The following PFKFB2 variants were observed in gnomAD, a reference collection of about 807,000 sequenced individuals.
PFKFB2 encodes 6-phosphofructo-2-kinase/fructose-2,6-biphosphatase 2.
PFKFB2 carries 53 observed loss-of-function variants against 68.0 expected under a neutral mutation model. That is an observed-to-expected ratio of 0.78 (90% CI 0.63 to 0.98). The LOEUF is 0.98. Among genes scored for constraint, PFKFB2 ranks in the 50% least tolerant of loss-of-function variants. PFKFB2 has a pLI of 0.00. For synonymous variants in PFKFB2, 222 were observed against 227.6 expected, an observed-to-expected ratio of 0.98 and a Z score of 0.22; for missense variants, 451 against 642.0, an observed-to-expected ratio of 0.70 and a Z score of 3.22.
intron 10 of PFKFB2, among the ~76,000 whole-genome samples, chr1:207,069,027 G>A (rs1484947394): frequency 1.5e-4 from 23 of 152,044 alleles, no homozygotes; most frequent in Non-Finnish European, 3.4e-4. Flanking sequence ...TTACAGGCAT[G>A]AGCCACCGTG....
chr1:207,078,068 T>A (rs74148966), downstream of PFKFB2, among the ~76,000 whole-genome samples: 8,279 of 152,224 alleles, frequency 0.054, 713 homozygotes, highest in African/African-American at 0.18. Context: ...TATGCAAGAA[T>A]TAAGAAACAA....
chr1:207,049,585 A>C, upstream of PFKFB2: 1 of 1,614,228 alleles, frequency 6.2e-7, no homozygotes, highest in Non-Finnish European at 8.5e-7. Flanking sequence ...ACTAGTAAAG[A>C]GGCAAGAGTT....
At position 207,063,500 on chromosome 1, in the gene PFKFB2, T is replaced by A. The variant is rs1683179426; in HGVS notation, c.450+79T>A. The A allele has an allele frequency of 3.1e-6, 3 of 952,604 alleles. No individual in the cohort carries two copies. Among genetic ancestry groups the A allele is most frequent in the Non-Finnish European group, 5.1e-6 (3 of 593,600 alleles). 59.0% of individuals were successfully genotyped at this position (952,604 alleles called of 1,614,324 possible). A position where few individuals can be genotyped will look rare whatever the true frequency, so the allele number is the denominator to read the frequency against. ...GGCTACAGGCATGGATCTCTCACTCTAGTGGGTGAGGACAGGATGGGATAT... is the reference window on the plus strand; with the variant it reads ...GGCTACAGGCATGGATCTCTCACTCAAGTGGGTGAGGACAGGATGGGATAT... On this transcript the variant is annotated intron_variant, in intron 6 of 14. Transcript: ENST00000367080. This position sits in a 1 kb window ranked among gnomAD's most constrained non-coding sequence, Gnocchi z 4.1.
At chr1:207,038,645 G>A (rs1682422758) in intron 1 of PFKFB2, among the ~76,000 whole-genome samples, 1 of 151,972 alleles carries the variant, frequency 6.6e-6, no homozygotes, top group South Asian at 2.1e-4. Context: ...ATTTTAATTC[G>A]ATTCTCCCAC....
Position 207,073,555 on chromosome 1 carries a change from C to T in PFKFB2, c.*1184C>T, listed in dbSNP as rs1340619801. On this transcript the variant is annotated 3_prime_UTR_variant, in exon 15 of 15. Coordinates refer to ENST00000367080, the MANE Select transcript of PFKFB2 (RefSeq NM_006212.2). ...TAGTTTTTACATGACCATTTTTTTCCCAAATGTGGAAAAGCTTGATGATGA... is the reference window on the plus strand; with the variant it reads ...TAGTTTTTACATGACCATTTTTTTCTCAAATGTGGAAAAGCTTGATGATGA... 2 of 984,896 alleles carry T rather than the reference C, an allele frequency of 2.0e-6. No homozygotes were observed. The highest frequency in any genetic ancestry group is 3.5e-5 in the African/African-American group (2 of 57,206). 61.0% of individuals were successfully genotyped at this position (984,896 alleles called of 1,614,324 possible).
At chr1:207,044,280 T>C (rs1682541341) in intron 2 of PFKFB2, 3 of 152,598 alleles carry the variant, frequency 2.0e-5, no homozygotes, top group African/African-American at 7.2e-5. Flanking sequence ...TCATTCTGTA[T>C]TTAGGCTGAA....
chr1:207,062,510 G>A, intron 3 of PFKFB2, 110 bp from the exon 4 acceptor site: 1 of 1,512,502 alleles, frequency 6.6e-7, no homozygotes, highest in African/African-American at 1.4e-5. Flanking sequence ...CTACCATGCT[G>A]CCGCTTTTTT....
chr1:207,054,503 G>T (rs1038287073), intron 1 of PFKFB2, among the ~76,000 whole-genome samples, 198 bp from the exon 2 acceptor site: 1 of 152,194 alleles, frequency 6.6e-6, no homozygotes, highest in Non-Finnish European at 1.5e-5. Context: ...TAAATGTAAG[G>T]TTCTAGTGCA....
Position 207,063,269 on chromosome 1 carries a change from C to G in PFKFB2, c.375+60C>G. On this transcript the variant is annotated intron_variant, in intron 5 of 14. Transcript: ENST00000367080. This position sits in a 1 kb window ranked among gnomAD's most constrained non-coding sequence, Gnocchi z 4.1. Reference sequence around the variant, plus strand: ...CCACCCTTGCAGCAGCCTGGCTACCCAGCCCCACCTTGAGTCTGCCCTGGT... The same window carrying G: ...CCACCCTTGCAGCAGCCTGGCTACCGAGCCCCACCTTGAGTCTGCCCTGGT... 6.3e-7 allele frequency: 1 copy of G among 1,581,392 alleles called. No homozygotes were observed. The highest frequency in any genetic ancestry group is 8.7e-7 in the Non-Finnish European group (1 of 1,150,210).
At chr1:207,049,775 G>T (rs1388112912), upstream of PFKFB2, 3 of 1,514,700 alleles carry the variant, frequency 2.0e-6, no homozygotes, top group Non-Finnish European at 2.7e-6. Context: ...AGAAGAAACC[G>T]AGTGTTCTCT....
At chr1:207,048,879 T>C, upstream of PFKFB2, 1 of 762,498 alleles carries the variant, frequency 1.3e-6, no homozygotes, top group Non-Finnish European at 2.1e-6. Context: ...ACAAGGAATT[T>C]CAGTGTCTTA....
At chr1:207,059,735 C>A (rs2102344170) in intron 2 of PFKFB2, among the ~76,000 whole-genome samples, 1 of 152,264 alleles carries the variant, frequency 6.6e-6, no homozygotes, top group South Asian at 2.1e-4. Context: ...TCTTGCCAAA[C>A]ACCCTTAGGA....
chr1:207,074,436 G>A lies in PFKFB2; in HGVS notation c.*2065G>A, dbSNP rs543775102. ...ACTGAATTAAATAATTGTCTCTAGA[G>A]AGCAGCTGGGGATTTTAAGCACCCT... On this transcript the variant is annotated 3_prime_UTR_variant, in exon 15 of 15. Coordinates refer to ENST00000367080, the MANE Select transcript of PFKFB2 (RefSeq NM_006212.2). 9 of 985,420 alleles carry A rather than the reference G, an allele frequency of 9.1e-6. No homozygotes were observed. In the African/African-American group the frequency reaches 1.6e-4, roughly 17 times the overall value. 61.0% of individuals were successfully genotyped at this position (985,420 alleles called of 1,614,324 possible). A position where few individuals can be genotyped will look rare whatever the true frequency, so the allele number is the denominator to read the frequency against.
At chr1:207,048,994 G>T, upstream of PFKFB2, 1 of 1,593,814 alleles carries the variant, frequency 6.3e-7, no homozygotes, top group Non-Finnish European at 8.6e-7. Context: ...TGAGGTAGTA[G>T]GCTTCAACCC....
At chr1:207,069,384 A>G (rs1266479020) in intron 10 of PFKFB2, 40 bp from the exon 11 acceptor site, 2 of 1,341,848 alleles carry the variant, frequency 1.5e-6, no homozygotes, top group African/African-American at 1.4e-5. Flanking sequence ...GGTGTGGTAC[A>G]GTCTATCTCT....
Position 207,072,424 on chromosome 1 carries a change from C to G in PFKFB2, c.*53C>G, listed in dbSNP as rs1683493703. The G allele has an allele frequency of 2.5e-6, 4 of 1,579,558 alleles. No individual in the cohort carries two copies. The highest frequency in any genetic ancestry group is 1.2e-5 in the South Asian group (1 of 85,530). On this transcript the variant is annotated 3_prime_UTR_variant, in exon 15 of 15. Transcript: ENST00000367080. Reference sequence around the variant, plus strand: ...GTGTAACTGTGTGTTTCCCTCCAGCCCTGGCCTCCTGCCCTTGTCACTAAT... The same window carrying G: ...GTGTAACTGTGTGTTTCCCTCCAGCGCTGGCCTCCTGCCCTTGTCACTAAT...
At chr1:207,066,281 T>C (rs1220758743) in intron 8 of PFKFB2, among the ~76,000 whole-genome samples, 2 of 152,238 alleles carry the variant, frequency 1.3e-5, no homozygotes, top group African/African-American at 4.8e-5. Flanking sequence ...TCTGCAAGAA[T>C]GTGGCCTCAT....
At position 207,075,264 on chromosome 1, in the gene PFKFB2, C is replaced by T; in HGVS notation, c.*2893C>T. 1.0e-6 allele frequency: 1 copy of T among 985,340 alleles called. No individual in the cohort carries two copies. Among genetic ancestry groups the T allele is most frequent in the East Asian group, 1.1e-4 (1 of 8,830 alleles). The allele number at this position is 985,340 out of a possible 1,614,324, so 61.0% of individuals were successfully genotyped here. ...CCCCACTCTCACCTGTGCTAGTTCG[C>T]TTTCTCCAGAAGAGGAGCTGAGGTG... On this transcript the variant is annotated 3_prime_UTR_variant, in exon 15 of 15. Transcript: ENST00000367080.
Position 207,077,756 on chromosome 1 carries a change from A to G in PFKFB2, c.*5385A>G. ...TAAAGTGTGCATAACTGTATTTGAA[A>G]TGTGTTTTTGTGTGCGTGTGTGTAG... On this transcript the variant is annotated 3_prime_UTR_variant, in exon 15 of 15. Coordinates refer to ENST00000367080, the MANE Select transcript of PFKFB2 (RefSeq NM_006212.2). The G allele has an allele frequency of 3.0e-6, 3 of 985,806 alleles. No homozygotes were observed. Among genetic ancestry groups the G allele is most frequent in the Non-Finnish European group, 3.6e-6 (3 of 829,850 alleles). 61.1% of individuals were successfully genotyped at this position (985,806 alleles called of 1,614,324 possible). A position where few individuals can be genotyped will look rare whatever the true frequency, so the allele number is the denominator to read the frequency against.
Sources: gnomAD v4.1 joint callset for allele counts (sites outside exome capture counted in the v4.1 genomes callset) on GRCh38, gnomAD v4.1.1 for gene constraint, Gnocchi (gnomAD v3.1) non-coding constraint, MANE v1.5 for transcripts, NCBI Gene and HGNC (gene_info 2026-07-23, HGNC 2026-07-21) for gene names.